DLEU7: variants seen among roughly 807,000 people sequenced by gnomAD.
The protein encoded by DLEU7 is deleted in lymphocytic leukemia 7.
DLEU7 carries 17 observed loss-of-function variants against 16.0 expected under a neutral mutation model. The observed-to-expected ratio is 1.06, with a 90% confidence interval of 0.73 to 1.59. The LOEUF (loss-of-function observed/expected upper bound fraction) is 1.59. Among genes scored for constraint, DLEU7 ranks in the 40% most tolerant of loss-of-function variants. The pLI, the probability that DLEU7 is intolerant of heterozygous loss-of-function variation, is 0.00. For missense variants in DLEU7, 308 were observed against 314.9 expected (o/e 0.98, Z 0.17); for synonymous variants, 113 against 139.8 (o/e 0.81, Z 1.35).
At chr13:50,811,109 C>G (rs1876549287) in intron 1 of DLEU7, among the ~76,000 whole-genome samples, 1 of 152,130 alleles carries the variant, frequency 6.6e-6, no homozygotes. Context: ...AAGCACCTAC[C>G]AGGGAGAGCC....
At chr13:50,842,835 G>C (rs1001933918) in intron 1 of DLEU7, among the ~76,000 whole-genome samples, 1 of 152,194 alleles carries the variant, frequency 6.6e-6, no homozygotes, top group East Asian at 1.9e-4. Flanking sequence ...GAAAGTGGGT[G>C]GGGGGAGCTG....
At position 50,843,361 on chromosome 13, in the gene DLEU7, C is replaced by T. The variant is rs568190318; in HGVS notation, c.286G>A (p.Gly96Arg). ...GGGAAGGGCAGCAACTCGGCGCCCC[C>T]CTCAGCGCCTCGCACTACCTCCTCC... ...PEEEVVRGAE[G>R]GAELLPFPRD... Residue 96 changes from glycine (G) to arginine (R), a missense_variant, in exon 1 of 2, where the codon GGG (glycine) becomes AGG (arginine). Transcript: ENST00000504404. The surrounding 1 kb of genome is among the most constrained non-coding windows in gnomAD (Gnocchi z 5.7). 4 of 1,426,582 alleles carry T rather than the reference C, an allele frequency of 2.8e-6. No homozygotes were observed. Among genetic ancestry groups the T allele is most frequent in the South Asian group, 1.5e-5 (1 of 67,224 alleles). 88.4% of individuals were successfully genotyped at this position (1,426,582 alleles called of 1,614,324 possible). A position where few individuals can be genotyped will look rare whatever the true frequency, so the allele number is the denominator to read the frequency against.
intron 1 of DLEU7, among the ~76,000 whole-genome samples, chr13:50,748,228 C>CTTTTTTTTTTTTT (rs71085044): frequency 2.8e-4 from 25 of 89,216 alleles, no homozygotes; most frequent in South Asian, 4.7e-4. Flanking sequence ...ACTCCTTAAA[C>CTTTTTTTTTTTTT]TTTTTTTTTT....
intron 1 of DLEU7, among the ~76,000 whole-genome samples, chr13:50,799,857 T>G (rs1288219623): frequency 1.3e-5 from 2 of 152,226 alleles, no homozygotes; most frequent in Admixed American, 1.3e-4. Flanking sequence ...CTTCATTCTC[T>G]CAATAGCAAC....
chr13:50,748,064 G>C (rs145307831), intron 1 of DLEU7, among the ~76,000 whole-genome samples: 2 of 152,164 alleles, frequency 1.3e-5, no homozygotes, highest in East Asian at 3.9e-4. Context: ...ACAAACATTT[G>C]TGTTTCATTA....
At chr13:50,836,457 G>A (rs746267690) in intron 1 of DLEU7, among the ~76,000 whole-genome samples, 14 of 152,048 alleles carry the variant, frequency 9.2e-5, no homozygotes, top group Admixed American at 2.0e-4. Flanking sequence ...GGTGGATCAC[G>A]AGGTCAGGAG....
intron 1 of DLEU7, among the ~76,000 whole-genome samples, chr13:50,798,327 C>T (rs2137779326): frequency 6.6e-6 from 1 of 152,312 alleles, no homozygotes. Context: ...ACTGCAAACT[C>T]AGTTGTGCAA....
At chr13:50,773,602 C>CTGCAGAACAGCAAATAT (rs544442835) in intron 1 of DLEU7, among the ~76,000 whole-genome samples, 3,090 of 151,942 alleles carry the variant, frequency 0.02, 100 homozygotes, top group African/African-American at 0.069. Context: ...CCAGCAGAGG[C>CTGCAGAACAGCAAATAT]TGCAGAACAG....
intron 1 of DLEU7, among the ~76,000 whole-genome samples, chr13:50,770,636 TG>T (rs1875274050): frequency 6.6e-6 from 1 of 152,344 alleles, no homozygotes; most frequent in African/African-American, 2.4e-5. Context: ...TTGATCGTGG[TG>T]GATAAGCTTT....
downstream of DLEU7, among the ~76,000 whole-genome samples, chr13:50,822,035 C>A (rs548577289): frequency 6.6e-6 from 1 of 152,074 alleles, no homozygotes; most frequent in South Asian, 2.1e-4. Flanking sequence ...TACACACACT[C>A]ATGCACATGT....
intron 1 of DLEU7, among the ~76,000 whole-genome samples, chr13:50,748,420 T>G (rs960784554): frequency 1.3e-5 from 2 of 152,018 alleles, no homozygotes; most frequent in Admixed American, 1.3e-4. Flanking sequence ...TCCTTGATTA[T>G]AAAGGACATG....
chr13:50,839,386 G>A (rs1877574960), intron 1 of DLEU7, among the ~76,000 whole-genome samples: 1 of 152,222 alleles, frequency 6.6e-6, no homozygotes, highest in African/African-American at 2.4e-5. Flanking sequence ...CACTGCAATA[G>A]GTGTTTGCAT....
At chr13:50,823,727 A>C (rs1876991785) in intron 1 of DLEU7, among the ~76,000 whole-genome samples, 1 of 152,102 alleles carries the variant, frequency 6.6e-6, no homozygotes, top group Admixed American at 6.5e-5. Context: ...CACAGTGTGG[A>C]CTGATCAGAA....
At chr13:50,770,670 T>G (rs571400773) in intron 1 of DLEU7, among the ~76,000 whole-genome samples, 25 of 152,224 alleles carry the variant, frequency 1.6e-4, no homozygotes, top group Non-Finnish European at 2.9e-4. Flanking sequence ...TGGATTCAGT[T>G]TGTCAGTATT....
chr13:50,753,854 A>G (rs689265), intron 1 of DLEU7, among the ~76,000 whole-genome samples: 71,441 of 151,956 alleles, frequency 0.47, 17,771 homozygotes, highest in African/African-American at 0.62. Context: ...CTGCCAGCAC[A>G]CTGTCACCTC....
At chr13:50,735,613 C>T (rs564025263) in intron 1 of DLEU7, among the ~76,000 whole-genome samples, 1 of 151,820 alleles carries the variant, frequency 6.6e-6, no homozygotes, top group East Asian at 1.9e-4. Flanking sequence ...AACTATGCAT[C>T]TAACAAAATC....
At chr13:50,749,106 C>T (rs929238750) in intron 1 of DLEU7, among the ~76,000 whole-genome samples, 4 of 151,068 alleles carry the variant, frequency 2.6e-5, no homozygotes, top group African/African-American at 9.7e-5. Flanking sequence ...GTCCTCATAG[C>T]TTAGCTCCCA....
intron 1 of DLEU7, among the ~76,000 whole-genome samples, chr13:50,768,803 A>C (rs946285497): frequency 6.6e-6 from 1 of 152,210 alleles, no homozygotes; most frequent in Non-Finnish European, 1.5e-5. Context: ...TATACCCAGT[A>C]ATGGGATGGC....
At chr13:50,821,955 C>T (rs926039661), downstream of DLEU7, among the ~76,000 whole-genome samples, 3 of 151,998 alleles carry the variant, frequency 2.0e-5, no homozygotes, top group Non-Finnish European at 2.9e-5. Flanking sequence ...AAATGCCCAC[C>T]GCTTCTCAGC....
Sources: allele counts gnomAD v4.1 joint callset (sites outside exome capture counted in the v4.1 genomes callset), GRCh38; gene constraint gnomAD v4.1.1; non-coding constraint Gnocchi (gnomAD v3.1); transcripts MANE v1.5; gene names NCBI Gene and HGNC (gene_info 2026-07-23, HGNC 2026-07-21).